CALN1: variants seen among roughly 807,000 people sequenced by gnomAD.
CALN1 encodes the protein calcium-binding protein 8.
Under a neutral mutation model 30.6 loss-of-function variants are expected in CALN1, and 17 were observed. The observed-to-expected ratio is 0.56, with a 90% CI of 0.38 to 0.83. The LOEUF is 0.83. CALN1 is among the 40% of genes least tolerant of loss of function. The pLI, the probability that CALN1 is intolerant of heterozygous loss-of-function variation, is 0.00. For synonymous variants in CALN1, 156 were observed against 131.4 expected, an observed-to-expected ratio of 1.19 and a Z score of -1.28; for missense variants, 291 against 354.9, an observed-to-expected ratio of 0.82 and a Z score of 1.45.
chr7:71,849,436 A>ATTTTTTT (rs3063933), intron 5 of CALN1, among the ~76,000 whole-genome samples: 5 of 140,258 alleles, frequency 3.6e-5, no homozygotes, highest in African/African-American at 1.3e-4. Flanking sequence ...GGATCTTCCT[A>ATTTTTTT]TTTTTTTTTT....
In CALN1 at chr7:72,360,947, G is replaced by A. The variant is rs548833256; in HGVS notation, c.119+42304C>T. On this transcript the variant is annotated intron_variant, in intron 2 of 6. Transcript: ENST00000395275. ...TCATCCTGTTGGCCAGGCTGGTCTC[G>A]AACTCCTGACCTCAAGTGATCTGCC... 7.6e-4 allele frequency among the ~76,000 whole-genome samples: 116 copies of A among 151,914 alleles called. 4 individuals are homozygous for A. The South Asian group carries it at 0.023, about 30-fold the overall frequency.
intron 5 of CALN1, among the ~76,000 whole-genome samples, chr7:71,864,135 AG>A (rs1304418055): frequency 3.3e-5 from 5 of 152,226 alleles, no homozygotes; most frequent in African/African-American, 1.2e-4. Flanking sequence ...TATTGCAAAT[AG>A]AAAAAAAATA....
chr7:71,791,469 A>G (rs1793382163), intron 6 of CALN1, among the ~76,000 whole-genome samples: 1 of 152,168 alleles, frequency 6.6e-6, no homozygotes, highest in South Asian at 2.1e-4. Context: ...CAAATACCGC[A>G]TGTTCTCACT....
At chr7:72,026,197 T>C (rs1039535534) in intron 4 of CALN1, among the ~76,000 whole-genome samples, 3 of 152,186 alleles carry the variant, frequency 2.0e-5, no homozygotes, top group African/African-American at 4.8e-5. Flanking sequence ...ACCTCTATAA[T>C]GCATTCCTGG....
At chr7:72,379,507 A>C (rs926298982) in intron 2 of CALN1, among the ~76,000 whole-genome samples, 6 of 152,252 alleles carry the variant, frequency 3.9e-5, no homozygotes, top group African/African-American at 1.4e-4. Flanking sequence ...AAGCAGCACT[A>C]CACTATTCAT....
chr7:72,280,200 T>C (rs192905321), intron 2 of CALN1, among the ~76,000 whole-genome samples: 1 of 152,316 alleles, frequency 6.6e-6, no homozygotes, highest in Non-Finnish European at 1.5e-5. Context: ...TTTCTCTATT[T>C]CTATCAAAGG....
chr7:72,238,320 T>C lies in CALN1; in HGVS notation c.244+40366A>G, dbSNP rs555643354. ...AGAAACAAATGTCTATGAGAATGAGTTGCAAAGAGACTGAGCTGCTGGCTT... is the reference window on the plus strand; with the variant it reads ...AGAAACAAATGTCTATGAGAATGAGCTGCAAAGAGACTGAGCTGCTGGCTT... On this transcript the variant is annotated intron_variant, in intron 3 of 6. Coordinates refer to ENST00000395275, the MANE Select transcript of CALN1 (RefSeq NM_031468.4). 5.9e-5 allele frequency among the ~76,000 whole-genome samples: 9 copies of C among 152,296 alleles called. No individual in the cohort carries two copies. In the East Asian group the frequency reaches 1.5e-3, roughly 26 times the overall value.
At chr7:72,408,298 G>A (rs1806844816) in intron 1 of CALN1, among the ~76,000 whole-genome samples, 1 of 149,312 alleles carries the variant, frequency 6.7e-6, no homozygotes, top group African/African-American at 2.5e-5. Flanking sequence ...AAAATTAGTA[G>A]TGCGTGGTGG....
At chr7:71,998,020 C>T (rs1019874016) in intron 5 of CALN1, among the ~76,000 whole-genome samples, 3 of 151,862 alleles carry the variant, frequency 2.0e-5, no homozygotes, top group Non-Finnish European at 4.4e-5. Context: ...GGAGTTTCAC[C>T]ATCTTGGCCA....
intron 3 of CALN1, among the ~76,000 whole-genome samples, chr7:72,114,276 A>AAAAATAAAAGT (rs1807799369): frequency 1.8e-5 from 1 of 54,854 alleles, no homozygotes; most frequent in South Asian, 1.8e-3. Flanking sequence ...AGGGAAGGGA[A>AAAAATAAAAGT]GGGAAGGGAA....
intron 2 of CALN1, among the ~76,000 whole-genome samples, chr7:72,380,378 A>G (rs756823104): frequency 1.3e-5 from 2 of 152,338 alleles, no homozygotes; most frequent in South Asian, 2.1e-4. Context: ...GCTCATACCT[A>G]TAATACCAAC....
At chr7:72,157,110 GC>G (rs905096780) in intron 3 of CALN1, among the ~76,000 whole-genome samples, 1 of 152,200 alleles carries the variant, frequency 6.6e-6, no homozygotes, top group African/African-American at 2.4e-5. Flanking sequence ...AATCGGTTGA[GC>G]CCATCTGTCC....
At chr7:72,002,505 T>C (rs1227400618) in intron 5 of CALN1, among the ~76,000 whole-genome samples, 3 of 152,074 alleles carry the variant, frequency 2.0e-5, no homozygotes, top group Non-Finnish European at 4.4e-5. Flanking sequence ...AAATTGTAAG[T>C]TGAACAACCA....
chr7:72,014,732 G>A (rs1800281671), intron 5 of CALN1, among the ~76,000 whole-genome samples: 1 of 152,166 alleles, frequency 6.6e-6, no homozygotes, highest in African/African-American at 2.4e-5. Context: ...CATGATCATG[G>A]CTCCCTGCAG....
intron 5 of CALN1, among the ~76,000 whole-genome samples, chr7:71,888,152 G>C (rs1291894765): frequency 6.6e-5 from 10 of 152,108 alleles, no homozygotes; most frequent in Admixed American, 6.6e-4. Flanking sequence ...GAGGGCTAAG[G>C]AGTAGGGTCT....
chr7:72,311,071 C>T (rs1054161372), intron 2 of CALN1, among the ~76,000 whole-genome samples: 1 of 152,008 alleles, frequency 6.6e-6, no homozygotes, highest in Non-Finnish European at 1.5e-5. Flanking sequence ...CCACCTCCTC[C>T]ACCTCTTCCG....
chr7:72,354,482 G>A (rs771868072), intron 2 of CALN1, among the ~76,000 whole-genome samples: 1 of 152,112 alleles, frequency 6.6e-6, no homozygotes, highest in African/African-American at 2.4e-5. Context: ...AAAGGACATA[G>A]AATAGCCAAA....
rs559964032 is a variant in CALN1 at position 72,344,430 on chromosome 7, A to G, written c.119+58821T>C. On this transcript the variant is annotated intron_variant, in intron 2 of 6. Coordinates refer to ENST00000395275, the MANE Select transcript of CALN1 (RefSeq NM_031468.4). The stretch of plus-strand genomic sequence containing the variant: ...TGAAAAAAGTTAATGGCAAAATAAC[A>G]TGTATGGTGCCACTTTTGAAAAAGA... 7.3e-4 allele frequency among the ~76,000 whole-genome samples: 111 copies of G among 152,022 alleles called. 1 individual carries two copies. The highest frequency in any genetic ancestry group is 2.6e-3 in the African/African-American group (106 of 41,548).
In CALN1 at chr7:72,329,026, T is replaced by TC. The variant is rs1801480119; in HGVS notation, c.120-50217dup. Among the ~76,000 whole-genome samples the TC allele has an allele frequency of 3.9e-5, 6 of 152,350 alleles. No individual in the cohort carries two copies. In the South Asian group the frequency reaches 1.2e-3, roughly 32 times the overall value. ...GTCTACATTTTAAAACAAACATTTT[T>TC]CCGATTGTAAATGTGTGTTCATTTG... On this transcript the variant is annotated intron_variant, in intron 2 of 6. Coordinates refer to ENST00000395275, the MANE Select transcript of CALN1 (RefSeq NM_031468.4).
Sources: allele counts gnomAD v4.1 joint callset (sites outside exome capture counted in the v4.1 genomes callset), GRCh38; gene constraint gnomAD v4.1.1; transcripts MANE v1.5; gene names NCBI Gene and HGNC (gene_info 2026-07-23, HGNC 2026-07-21).